RAD51B: variants seen among roughly 807,000 people sequenced by gnomAD.
The protein encoded by RAD51B is RAD51 paralog B.
Under a neutral mutation model 42.2 loss-of-function variants are expected in RAD51B, and 38 were observed. The ratio of observed to expected loss-of-function variants is 0.90; its 90% CI spans 0.70 to 1.18. RAD51B has a LOEUF of 1.18. Ranked by LOEUF, RAD51B falls within the 50% of genes most tolerant of loss-of-function variation. RAD51B has a pLI of 0.00. For synonymous variants in RAD51B, 154 were observed against 145.2 expected (o/e 1.06, Z -0.43); for missense variants, 373 against 400.7 (o/e 0.93, Z 0.59).
intron 9 of RAD51B, among the ~76,000 whole-genome samples, chr14:68,433,818 G>A (rs2085077328): frequency 6.6e-6 from 1 of 152,184 alleles, no homozygotes; most frequent in South Asian, 2.1e-4. Flanking sequence ...AGGGGGAGAG[G>A]CACTCTGATT....
intron 10 of RAD51B, among the ~76,000 whole-genome samples, chr14:68,587,778 A>T (rs1444075093): frequency 6.6e-6 from 1 of 152,230 alleles, no homozygotes; most frequent in Non-Finnish European, 1.5e-5. Flanking sequence ...AGGGAAGAGT[A>T]AGATTTACAA....
intron 10 of RAD51B, among the ~76,000 whole-genome samples, chr14:68,609,383 C>T (rs1018518538): frequency 2.0e-5 from 3 of 152,134 alleles, no homozygotes; most frequent in East Asian, 1.9e-4. Context: ...TCTCTCAGCA[C>T]GCCCCTTACT....
chr14:68,275,393 G>A (rs1390532766), intron 7 of RAD51B, among the ~76,000 whole-genome samples: 1 of 152,038 alleles, frequency 6.6e-6, no homozygotes, highest in Non-Finnish European at 1.5e-5. Context: ...AAAGTGGAAA[G>A]CATTCTTGTC....
At chr14:68,626,184 G>T (rs1227332924) in intron 10 of RAD51B, among the ~76,000 whole-genome samples, 1 of 152,172 alleles carries the variant, frequency 6.6e-6, no homozygotes, top group African/African-American at 2.4e-5. Context: ...TATATACATG[G>T]CACAGTTAGT....
At chr14:68,607,137 G>A (rs1031898123) in intron 10 of RAD51B, among the ~76,000 whole-genome samples, 1 of 152,182 alleles carries the variant, frequency 6.6e-6, no homozygotes, top group East Asian at 1.9e-4. Context: ...GGTCATGCGG[G>A]CGGGCCACTG....
intron 10 of RAD51B, among the ~76,000 whole-genome samples, chr14:68,487,497 C>A (rs1343506451): frequency 6.6e-6 from 1 of 151,628 alleles, no homozygotes; most frequent in Non-Finnish European, 1.5e-5. Context: ...TCATGATGTA[C>A]AATTCATTAC....
At chr14:68,588,039 G>C (rs185461459) in intron 10 of RAD51B, among the ~76,000 whole-genome samples, 2 of 152,326 alleles carry the variant, frequency 1.3e-5, no homozygotes, top group African/African-American at 4.8e-5. Context: ...CAGAGAATGG[G>C]TTTTAACAAG....
At chr14:67,919,640 G>A (rs556231151) in intron 7 of RAD51B, among the ~76,000 whole-genome samples, 2 of 152,250 alleles carry the variant, frequency 1.3e-5, no homozygotes, top group East Asian at 3.9e-4. Flanking sequence ...ATGAACCACT[G>A]CCTTGAGTTA....
chr14:68,446,386 C>G (rs1235982678), intron 9 of RAD51B, among the ~76,000 whole-genome samples: 1 of 152,060 alleles, frequency 6.6e-6, no homozygotes, highest in African/African-American at 2.4e-5. Flanking sequence ...GATCTCTTAC[C>G]CCTTCTCTCA....
chr14:68,474,155 GTGCTTCTTGATGT>G (rs1566904538), intron 10 of RAD51B, among the ~76,000 whole-genome samples: 65 of 152,246 alleles, frequency 4.3e-4, no homozygotes, highest in African/African-American at 1.5e-3. Context: ...TTTATTACCT[GTGCTTCTTGATGT>G]TTAGGTATGA....
chr14:68,518,695 T>C (rs1254958935), intron 10 of RAD51B, among the ~76,000 whole-genome samples: 1 of 152,114 alleles, frequency 6.6e-6, no homozygotes, highest in East Asian at 1.9e-4. Context: ...AGACAGGTGT[T>C]TGAAACCCCT....
At chr14:68,406,412 A>G (rs2084275869) in intron 8 of RAD51B, among the ~76,000 whole-genome samples, 1 of 152,082 alleles carries the variant, frequency 6.6e-6, no homozygotes, top group South Asian at 2.1e-4. Flanking sequence ...ATTGGAACAC[A>G]GTAGTAAGTA....
intron 7 of RAD51B, among the ~76,000 whole-genome samples, chr14:68,272,227 C>T (rs1051645510): frequency 6.6e-6 from 1 of 152,026 alleles, no homozygotes; most frequent in Non-Finnish European, 1.5e-5. Flanking sequence ...ATTATAATGT[C>T]TCAAGGGTTT....
Position 68,154,098 on chromosome 14 carries a change from G to A in RAD51B, c.757-137786G>A, listed in dbSNP as rs73288038. Among the ~76,000 whole-genome samples the A allele has an allele frequency of 9.6e-3, 1,455 of 152,280 alleles. 23 individuals carry two copies. The highest frequency in any genetic ancestry group is 0.033 in the African/African-American group (1,380 of 41,552). ...TGGTTGATTTTTCTCCTCACTGTGA[G>A]TTGTATTTTCTTGCTTGTTTTGCAT... is the stretch of plus-strand genomic sequence containing the variant. On this transcript the variant is annotated intron_variant, in intron 7 of 10. Coordinates refer to ENST00000471583, the MANE Select transcript of RAD51B (RefSeq NM_133510.4).
chr14:67,944,911 G>T (rs2045337536), intron 7 of RAD51B, among the ~76,000 whole-genome samples: 1 of 152,162 alleles, frequency 6.6e-6, no homozygotes, highest in African/African-American at 2.4e-5. Context: ...TTGAGAGTGG[G>T]TCATGAAGAT....
chr14:68,355,588 G>A (rs1482517192), intron 8 of RAD51B, among the ~76,000 whole-genome samples: 2 of 152,174 alleles, frequency 1.3e-5, no homozygotes, highest in Non-Finnish European at 2.9e-5. Flanking sequence ...GGTCACAGCT[G>A]GAGATTGGTT....
At position 68,572,505 on chromosome 14, in the gene RAD51B, G is replaced by A. The variant is rs949582883; in HGVS notation, c.1037-21980G>A. Among the ~76,000 whole-genome samples the A allele has an allele frequency of 3.9e-5, 6 of 152,340 alleles. No homozygotes were observed. The East Asian group carries it at 1.2e-3, about 29-fold the overall frequency. ...GGGGGCTGCTTGGTTTGCTCTCTTGGCAAAGCCCCTTGTTTTTACTCTGCT... is the reference window on the plus strand; with the variant it reads ...GGGGGCTGCTTGGTTTGCTCTCTTGACAAAGCCCCTTGTTTTTACTCTGCT... On this transcript the variant is annotated intron_variant, in intron 10 of 10. Transcript: ENST00000487270.
rs190471158 is a variant in RAD51B at position 68,347,923 on chromosome 14, C to A, written c.853+55943C>A. Among the ~76,000 whole-genome samples the A allele has an allele frequency of 5.9e-5, 9 of 152,292 alleles. No homozygotes were observed. The East Asian group carries it at 1.7e-3, about 29-fold the overall frequency. On this transcript the variant is annotated intron_variant, in intron 8 of 10. Transcript: ENST00000471583. Reference sequence around the variant, plus strand: ...CACTAAAAAGAGAGTAGATACACTACCCCAGGACAGAGATGAAATAATGAA... The same window carrying A: ...CACTAAAAAGAGAGTAGATACACTAACCCAGGACAGAGATGAAATAATGAA...
chr14:67,950,602 A>G (rs951224450), intron 7 of RAD51B, among the ~76,000 whole-genome samples: 21 of 152,200 alleles, frequency 1.4e-4, no homozygotes, highest in African/African-American at 4.3e-4. Flanking sequence ...GGGTAGCAGC[A>G]CATTTAATTT....
Sources: gnomAD v4.1 joint callset for allele counts (sites outside exome capture counted in the v4.1 genomes callset) on GRCh38, gnomAD v4.1.1 for gene constraint, MANE v1.5 for transcripts, NCBI Gene and HGNC (gene_info 2026-07-23, HGNC 2026-07-21) for gene names.